PPP1R13L: variants seen among roughly 807,000 people sequenced by gnomAD.
PPP1R13L encodes the protein relA-associated inhibitor.
A neutral mutation model predicts 80.9 loss-of-function variants in PPP1R13L; 50 were observed. The ratio of observed to expected loss-of-function variants is 0.62; its 90% CI spans 0.49 to 0.78. The LOEUF is 0.78. Ranked by LOEUF, PPP1R13L falls within the 30% of genes least tolerant of loss-of-function variation. The pLI is 0.00. For synonymous variants in PPP1R13L, 602 were observed against 534.3 expected (o/e 1.13, Z -1.75); for missense variants, 1,200 against 1,205.9 (o/e 1.00, Z 0.07).
chr19:45,386,177 T>C lies in PPP1R13L; in HGVS notation c.1819A>G (p.Met607Val). ...SPPEQPQSME[M>V]RSVLRKAGSP... ...CCCGCCTTCCGCAGCACAGAGCGCA[T>C]CTCCTGGGGGACAGGGCGCAGAGGT... The change falls in exon 9 of 13, where the codon ATG (methionine) becomes GTG (valine). Residue 607 changes from methionine to valine, a missense_variant. Around this residue, in one of 5 missense-constraint regions of PPP1R13L, gnomAD observed 214 missense variants for 199.6 expected, o/e 1.07. Coordinates refer to ENST00000360957, the MANE Select transcript of PPP1R13L (RefSeq NM_006663.4). 6.6e-7 allele frequency: 1 copy of C among 1,521,110 alleles called. No homozygotes were observed. The highest frequency in any genetic ancestry group is 8.7e-7 in the Non-Finnish European group (1 of 1,148,814). 94.2% of individuals were successfully genotyped at this position (1,521,110 alleles called of 1,614,324 possible).
intron 8 of PPP1R13L, among the ~76,000 whole-genome samples, chr19:45,387,268 A>C (rs1313790779): frequency 6.6e-6 from 1 of 151,990 alleles, no homozygotes; most frequent in African/African-American, 2.4e-5. Flanking sequence ...ACCCAGTCTC[A>C]AAAGAAAAAA....
chr19:45,391,915 ACGGGGC>A lies in PPP1R13L; in HGVS notation c.1774_1779del (p.Ala592_Pro593del). On this transcript the variant is annotated inframe_deletion, in exon 8 of 13. Coordinates refer to ENST00000360957, the MANE Select transcript of PPP1R13L (RefSeq NM_006663.4). ...GGCTGCTCTGGTGGGCTGCTCTGGGACGGGGCCGGGGGTGGAATGGGAGCTGGTGGG... is the reference window on the plus strand; with the variant it reads ...GGCTGCTCTGGTGGGCTGCTCTGGGACGGGGGTGGAATGGGAGCTGGTGGG... 1 of 1,496,746 alleles carries A rather than the reference ACGGGGC, an allele frequency of 6.7e-7. No individual in the cohort carries two copies. The allele number at this position is 1,496,746 out of a possible 1,614,324, so 92.7% of individuals were successfully genotyped here. A position where few individuals can be genotyped will look rare whatever the true frequency, so the allele number is the denominator to read the frequency against.
At position 45,396,552 on chromosome 19, in the gene PPP1R13L, G is replaced by T. The variant is rs760712551; in HGVS notation, c.705C>A (p.Arg235=). 1 of 1,543,660 alleles carries T rather than the reference G, an allele frequency of 6.5e-7. No individual in the cohort carries two copies. The change falls in exon 4 of 13, where the codon CGC becomes CGA. Residue 235 remains arginine, a synonymous_variant. Transcript: ENST00000360957. This position sits in a 1 kb window ranked among gnomAD's most constrained non-coding sequence, Gnocchi z 5.3. ...SGGSAFAPPL[R]AQDDLTLRRR... Reference sequence around the variant, plus strand: ...AGGGGCCCCTGGGTTCACCTTGCGCGCGCAGAGGCGGGGCGAATGCGCTGC... The same window carrying T: ...AGGGGCCCCTGGGTTCACCTTGCGCTCGCAGAGGCGGGGCGAATGCGCTGC...
rs965337385 is a variant in PPP1R13L, at chr19:45,395,856, T to C, written c.934A>G (p.Asn312Asp). The C allele has an allele frequency of 6.3e-7, 1 of 1,596,902 alleles. No homozygotes were observed. The highest frequency in any genetic ancestry group is 8.5e-7 in the Non-Finnish European group (1 of 1,173,362). ...CTGGCCAGAGGAGAGACCTTGTAAT[T>C]GCGCGGCAGGGTGGCGCTAGTGAGG... ...DNLTSATLPR[N>D]YKVSPLASDR... Residue 312 changes from asparagine to aspartate, a missense_variant, in exon 7 of 13, where the codon AAT (asparagine) becomes GAT (aspartate). Asn to Asp is a conservative substitution (Grantham distance 23, BLOSUM62 1). This residue lies in a region of PPP1R13L where 764 missense variants were observed against 714.5 expected (regional missense o/e 1.07). Coordinates refer to ENST00000360957, the MANE Select transcript of PPP1R13L (RefSeq NM_006663.4).
rs758118252 is a variant in PPP1R13L, at chr19:45,385,943, G to A, written c.1962C>T (p.Ser654=). 4 of 1,611,862 alleles carry A rather than the reference G, an allele frequency of 2.5e-6. No individual in the cohort carries two copies. The highest frequency in any genetic ancestry group is 1.7e-5 in the Admixed American group (1 of 59,676). Residue 654 remains serine, a synonymous_variant, in exon 10 of 13, where the codon AGC becomes AGT. Coordinates refer to ENST00000360957, the MANE Select transcript of PPP1R13L (RefSeq NM_006663.4). ...CAGTGATGCCCTCCTCGTTGGGCTG[G>A]CTCGGGTCGTTCATCTGAGTGCACC... The part of the protein sequence containing the change: ...QQAVKEMNDP[S]QPNEEGITAL...
At chr19:45,387,803 G>A (rs963620716) in intron 8 of PPP1R13L, among the ~76,000 whole-genome samples, 38 of 152,060 alleles carry the variant, frequency 2.5e-4, no homozygotes, top group Admixed American at 1.6e-3. Flanking sequence ...CGCCCACCTC[G>A]GCCTCCCAAA....
chr19:45,401,739 C>G (rs1973236440), intron 1 of PPP1R13L, among the ~76,000 whole-genome samples: 1 of 152,112 alleles, frequency 6.6e-6, no homozygotes, highest in African/African-American at 2.4e-5. Context: ...TTGCACTGCT[C>G]TGGAAGTCTA....
At chr19:45,382,785 G>GC (rs1187328236) in intron 11 of PPP1R13L, 59 bp from the exon 12 acceptor site, 20 of 1,543,930 alleles carry the variant, frequency 1.3e-5, no homozygotes, top group Non-Finnish European at 1.7e-5. Context: ...AGGAACAGGG[G>GC]CCACGTGGGG....
Position 45,405,061 on chromosome 19 carries a change from G to A in PPP1R13L, c.-84C>T. 1 of 986,010 alleles carries A rather than the reference G, an allele frequency of 1.0e-6. No homozygotes were observed. Among genetic ancestry groups the A allele is most frequent in the Non-Finnish European group, 1.2e-6 (1 of 830,056 alleles). The allele number at this position is 986,010 out of a possible 1,614,324, so 61.1% of individuals were successfully genotyped here. On this transcript the variant is annotated 5_prime_UTR_variant, in exon 1 of 13. Transcript: ENST00000360957. ...AGCTCGGGCTCCGGCTTGGGGAGCGGAGAACGGGGCGGGGCAGGAGCTGGG... is the reference window on the plus strand; with the variant it reads ...AGCTCGGGCTCCGGCTTGGGGAGCGAAGAACGGGGCGGGGCAGGAGCTGGG...
intron 8 of PPP1R13L, among the ~76,000 whole-genome samples, chr19:45,386,623 CTTTT>C (rs986342358): frequency 1.4e-5 from 2 of 140,050 alleles, no homozygotes; most frequent in Admixed American, 7.5e-5. Flanking sequence ...TTTTCCTTTT[CTTTT>C]TCTCTTTTTT....
Position 45,380,115 on chromosome 19 carries a change from A to C in PPP1R13L, c.*75T>G, listed in dbSNP as rs1972734012. ...TGAGGGGTGCAGATAAAGGCAGCAA[A>C]AAACAGAGGGAGAGGTCTGGAGGGA... On this transcript the variant is annotated 3_prime_UTR_variant, in exon 13 of 13. Transcript: ENST00000360957. 1.3e-6 allele frequency: 2 copies of C among 1,557,044 alleles called. No individual in the cohort carries two copies. The highest frequency in any genetic ancestry group is 1.8e-6 in the Non-Finnish European group (2 of 1,130,666).
chr19:45,404,919 C>T (rs1365518556), intron 1 of PPP1R13L, 80 bp downstream of exon 1: 1 of 895,472 alleles, frequency 1.1e-6, no homozygotes, highest in Admixed American at 6.2e-5. Context: ...ACCTGGCGTC[C>T]GAGTCCCCTC....
At position 45,396,796 on chromosome 19, in the gene PPP1R13L, C is replaced by CCGAGGGAGCTGCCTGCGCCAT; in HGVS notation, c.440_460dup (p.Asp147_Leu153dup). On this transcript the variant is annotated inframe_insertion, in exon 4 of 13. Transcript: ENST00000360957. The surrounding 1 kb of genome is among the most constrained non-coding windows in gnomAD (Gnocchi z 5.3). ...CCCGGGCCGCGGGGAGGGCGCACGGCCGAGGGAGCTGCCTGCGCCATCGAA... is the reference window on the plus strand; with the variant it reads ...CCCGGGCCGCGGGGAGGGCGCACGGCCGAGGGAGCTGCCTGCGCCATCGAGGGAGCTGCCTGCGCCATCGAA... The CCGAGGGAGCTGCCTGCGCCAT allele has an allele frequency of 2.9e-6, 4 of 1,402,364 alleles. No homozygotes were observed. Among genetic ancestry groups the CCGAGGGAGCTGCCTGCGCCAT allele is most frequent in the Non-Finnish European group, 3.7e-6 (4 of 1,087,400 alleles). 86.9% of individuals were successfully genotyped at this position (1,402,364 alleles called of 1,614,324 possible).
rs774174935 is a variant in PPP1R13L at position 45,398,050 on chromosome 19, T to C, written c.153A>G (p.Ser51=). The C allele has an allele frequency of 2.5e-6, 4 of 1,614,008 alleles. No homozygotes were observed. The African/African-American group carries it at 5.3e-5, about 22-fold the overall frequency. The change falls in exon 3 of 13, where the codon TCA becomes TCG. Residue 51 remains serine (S), a synonymous_variant. Transcript: ENST00000360957. ...GCGGGCCAGGAGGCGCGGGAGAGTC[T>C]GACCACAGCGACTCCAGCTGCTTGG... ...ELTKQLESLW[S]DSPAPPGPQA...
chr19:45,404,916 G>C, intron 1 of PPP1R13L, 83 bp downstream of exon 1: 1 of 866,512 alleles, frequency 1.2e-6, no homozygotes, highest in Non-Finnish European at 1.4e-6. Context: ...GGGACCTGGC[G>C]TCCGAGTCCC....
At chr19:45,400,004 T>C (rs1164002169) in intron 1 of PPP1R13L, among the ~76,000 whole-genome samples, 1 of 151,636 alleles carries the variant, frequency 6.6e-6, no homozygotes, top group Non-Finnish European at 1.5e-5. Context: ...AGAAATGCCG[T>C]GCACCGAAAG....
Position 45,391,995 on chromosome 19 carries a change from G to A in PPP1R13L, c.1700C>T (p.Ser567Phe). Residue 567 changes from serine (S) to phenylalanine (F), a missense_variant, in exon 8 of 13, where the codon TCC becomes TTC. By Grantham distance (155) the Ser-to-Phe change is radical (BLOSUM62 -2). Around this residue, in one of 5 missense-constraint regions of PPP1R13L, gnomAD observed 214 missense variants for 199.6 expected, o/e 1.07. Transcript: ENST00000360957. Reference protein sequence around the residue: ...PGPGGPEPELSPITEGSEARA... With the variant: ...PGPGGPEPELFPITEGSEARA... ...GGCCTCAGATCCCTCAGTGATGGGG[G>A]ACAGCTCTGGCTCCGGCCCCCCGGG... 6.5e-7 allele frequency: 1 copy of A among 1,534,070 alleles called. No homozygotes were observed. Among genetic ancestry groups the A allele is most frequent in the Non-Finnish European group, 8.7e-7 (1 of 1,143,606 alleles).
chr19:45,380,315 C>T (rs1972738314), intron 12 of PPP1R13L, 87 bp from the exon 13 acceptor site: 1 of 1,530,390 alleles, frequency 6.5e-7, no homozygotes, highest in Non-Finnish European at 9.0e-7. Context: ...ATCCTCCCAC[C>T]CCTTCCTAAG....
chr19:45,389,957 C>A (rs10419090), intron 8 of PPP1R13L, among the ~76,000 whole-genome samples: 40,683 of 151,352 alleles, frequency 0.27, 6,230 homozygotes, highest in African/African-American at 0.4. Context: ...CCACCCCCAG[C>A]TAATTTTTGT....
Sources: gnomAD v4.1 joint callset for allele counts (sites outside exome capture counted in the v4.1 genomes callset) on GRCh38, gnomAD v4.1.1 for gene constraint, gnomAD v4.1.1 regional missense constraint, Gnocchi (gnomAD v3.1) non-coding constraint, MANE v1.5 for transcripts, NCBI Gene and HGNC (gene_info 2026-07-23, HGNC 2026-07-21) for gene names.